Variants in TMEM236 observed in about 807,000 individuals in gnomAD.
TMEM236 encodes the protein family with sequence similarity 23, member A.
TMEM236 carries 11 observed loss-of-function variants against 14.7 expected under a neutral mutation model. The observed-to-expected ratio is 0.75, with a 90% CI of 0.47 to 1.24. The LOEUF (loss-of-function observed/expected upper bound fraction) is 1.24, where lower values mean the gene tolerates loss of function less well. Ranked by LOEUF, TMEM236 falls within the 50% of genes most tolerant of loss-of-function variation. The pLI is 0.00. For synonymous variants in TMEM236, 182 were observed against 168.6 expected (o/e 1.08, Z -0.62); for missense variants, 464 against 427.3 (o/e 1.09, Z -0.76).
chr10:17,784,928 C>T lies in TMEM236; in HGVS notation c.472+8758C>T, dbSNP rs1226606067. ...TTGAGTGTGCAGCAGAAATTGGAAC[C>T]AGGAATTTGTTCTGGGGCCAATCCA... On this transcript the variant is annotated intron_variant, in intron 3 of 3. Coordinates refer to ENST00000377495, the MANE Select transcript of TMEM236 (RefSeq NM_001098844.3). Among the ~76,000 whole-genome samples the T allele has an allele frequency of 5.9e-5, 9 of 152,194 alleles. No individual in the cohort carries two copies. In the South Asian group the frequency reaches 1.9e-3, roughly 32 times the overall value.
chr10:17,776,126 T>C lies in TMEM236; in HGVS notation c.428T>C (p.Ile143Thr), dbSNP rs1196365120. 4.3e-6 allele frequency: 7 copies of C among 1,613,788 alleles called. No individual in the cohort carries two copies. Among genetic ancestry groups the C allele is most frequent in the East Asian group, 4.5e-5 (2 of 44,850 alleles). The change falls in exon 3 of 4, where the codon ATT becomes ACT. Residue 143 changes from isoleucine (I) to threonine (T), a missense_variant. By Grantham distance (89) the Ile-to-Thr change is moderately conservative. Transcript: ENST00000377495. ...CTGTTATCCCTGATCATGGTTGATATTATTGAAAAACTCAGGATATATCCT... is the reference window on the plus strand; with the variant it reads ...CTGTTATCCCTGATCATGGTTGATACTATTGAAAAACTCAGGATATATCCT... ...LVLLSLIMVD[I>T]IEKLRIYPLR...
intron 1 of TMEM236, among the ~76,000 whole-genome samples, chr10:17,762,711 G>C (rs1388321867): frequency 1.3e-5 from 2 of 148,608 alleles, no homozygotes; most frequent in South Asian, 4.3e-4. Context: ...TCTGTCACCC[G>C]GGTTGGAGTG....
Sources: allele counts gnomAD v4.1 joint callset (sites outside exome capture counted in the v4.1 genomes callset), GRCh38; gene constraint gnomAD v4.1.1; transcripts MANE v1.5; gene names NCBI Gene and HGNC (gene_info 2026-07-23, HGNC 2026-07-21).